Variants in BMPER observed in about 807,000 individuals in gnomAD.
BMPER encodes the protein BMP binding endothelial regulator.
A neutral mutation model predicts 87.3 loss-of-function variants in BMPER; 45 were observed. That is an observed-to-expected ratio of 0.52 (90% confidence interval 0.41 to 0.66). BMPER has a LOEUF of 0.66. BMPER is among the 30% of genes least tolerant of loss of function. BMPER has a pLI of 0.00. For missense variants in BMPER, 784 were observed against 867.5 expected (o/e 0.90, Z 1.21); for synonymous variants, 326 against 316.2 (o/e 1.03, Z -0.33).
intron 6 of BMPER, among the ~76,000 whole-genome samples, chr7:34,015,587 G>C (rs1413749470): frequency 6.6e-6 from 1 of 151,912 alleles, no homozygotes; most frequent in Non-Finnish European, 1.5e-5. Context: ...GAAAAGAGCA[G>C]AAAGCAACAA....
chr7:34,047,462 A>G (rs1788004845), intron 7 of BMPER, among the ~76,000 whole-genome samples: 1 of 151,798 alleles, frequency 6.6e-6, no homozygotes, highest in South Asian at 2.1e-4. Flanking sequence ...TATTTTTAGT[A>G]GAGACAGTGT....
chr7:33,995,592 A>G (rs1321089139), intron 6 of BMPER, among the ~76,000 whole-genome samples: 2 of 152,178 alleles, frequency 1.3e-5, no homozygotes, highest in Non-Finnish European at 2.9e-5. Context: ...GCATAAAACC[A>G]GGCCATGTAA....
chr7:33,911,499 T>C (rs546366416), intron 2 of BMPER, among the ~76,000 whole-genome samples: 79 of 152,352 alleles, frequency 5.2e-4, no homozygotes, highest in African/African-American at 1.8e-3. Context: ...AGGCTCTCTA[T>C]GGAGGCAGTT....
At chr7:34,126,242 T>C (rs916719913) in intron 13 of BMPER, among the ~76,000 whole-genome samples, 1 of 152,292 alleles carries the variant, frequency 6.6e-6, no homozygotes, top group South Asian at 2.1e-4. Context: ...GAGCATGGCA[T>C]TTTTAAGGAA....
At chr7:34,056,841 C>T (rs960149280) in intron 9 of BMPER, among the ~76,000 whole-genome samples, 11 of 152,298 alleles carry the variant, frequency 7.2e-5, no homozygotes, top group African/African-American at 2.6e-4. Flanking sequence ...TGATCTCGAA[C>T]TCCCGACCTT....
chr7:33,963,527 C>T (rs1261005969), intron 3 of BMPER, among the ~76,000 whole-genome samples: 1 of 152,192 alleles, frequency 6.6e-6, no homozygotes, highest in East Asian at 1.9e-4. Context: ...GGCGCGGTGG[C>T]TCATGCCTGT....
chr7:34,047,824 C>CTTCCTTCCTTCCTTCCTTCCTTCCT (rs1312499057), intron 7 of BMPER, among the ~76,000 whole-genome samples: 1 of 64,752 alleles, frequency 1.5e-5, no homozygotes, highest in Non-Finnish European at 3.1e-5. Flanking sequence ...CCTCACTTTC[C>CTTCCTTCCTTCCTTCCTTCCTTCCT]TACTTTCTTG....
At chr7:33,935,594 CAGAGAGAG>C (rs35522311) in intron 2 of BMPER, among the ~76,000 whole-genome samples, 1 of 147,598 alleles carries the variant, frequency 6.8e-6, no homozygotes, top group African/African-American at 2.5e-5. Context: ...GAGAAAGAGA[CAGAGAGAG>C]AGAGAGAGAG....
chr7:34,113,105 C>T (rs1374145297), intron 13 of BMPER, among the ~76,000 whole-genome samples: 1 of 151,806 alleles, frequency 6.6e-6, no homozygotes. Flanking sequence ...CCTGCCAACA[C>T]ATTTTCATTA....
At chr7:34,079,228 CACTT>C (rs745567121) in intron 12 of BMPER, 42 bp downstream of exon 12, 3 of 1,609,490 alleles carry the variant, frequency 1.9e-6, no homozygotes, top group Non-Finnish European at 2.5e-6. Context: ...GCCTCCGCCT[CACTT>C]ACCCGTTCAG....
intron 6 of BMPER, among the ~76,000 whole-genome samples, chr7:34,036,156 G>C (rs1404763592): frequency 6.6e-6 from 1 of 152,136 alleles, no homozygotes; most frequent in African/African-American, 2.4e-5. Context: ...GCCTGGAAGC[G>C]GGCCAGGCTG....
chr7:34,020,977 G>A (rs1372087749), intron 6 of BMPER, among the ~76,000 whole-genome samples: 1 of 151,902 alleles, frequency 6.6e-6, no homozygotes, highest in Admixed American at 6.6e-5. Context: ...AGTTTAAGTG[G>A]CCTTCTCCAT....
chr7:34,008,250 T>C (rs568755673), intron 6 of BMPER, among the ~76,000 whole-genome samples: 17 of 152,168 alleles, frequency 1.1e-4, no homozygotes, highest in African/African-American at 4.1e-4. Flanking sequence ...GTCTTTCATG[T>C]TGATTTCCAA....
intron 13 of BMPER, among the ~76,000 whole-genome samples, chr7:34,125,006 A>AC (rs1389654018): frequency 6.6e-6 from 1 of 152,124 alleles, no homozygotes; most frequent in East Asian, 1.9e-4. Flanking sequence ...TAAAAAAAAA[A>AC]ACCCAGTATT....
chr7:34,032,628 C>T (rs894633572), intron 6 of BMPER, among the ~76,000 whole-genome samples: 9 of 152,046 alleles, frequency 5.9e-5, no homozygotes, highest in East Asian at 3.9e-4. Flanking sequence ...CTTTGGAGTT[C>T]GGAATGTTTG....
chr7:34,147,927 G>C (rs182250006), intron 14 of BMPER, among the ~76,000 whole-genome samples: 60 of 152,324 alleles, frequency 3.9e-4, no homozygotes, highest in Middle Eastern at 3.4e-3. Flanking sequence ...GTCAGTGTTA[G>C]TGTTCTAGGA....
At chr7:34,012,915 A>G (rs573285289) in intron 6 of BMPER, among the ~76,000 whole-genome samples, 85 of 152,074 alleles carry the variant, frequency 5.6e-4, no homozygotes, top group African/African-American at 2.0e-3. Context: ...TCTATGCGAT[A>G]TTAAAAAATA....
intron 6 of BMPER, among the ~76,000 whole-genome samples, chr7:33,995,089 A>C (rs2127930504): frequency 6.6e-6 from 1 of 152,338 alleles, no homozygotes; most frequent in East Asian, 1.9e-4. Context: ...GAATTTTTAT[A>C]AATGCAGTCA....
intron 13 of BMPER, among the ~76,000 whole-genome samples, chr7:34,129,638 A>G (rs6972954): frequency 1.6e-4 from 19 of 120,690 alleles, no homozygotes; most frequent in African/African-American, 6.2e-4. Context: ...GAGAGAAAGA[A>G]AGAAAGAAAG....
Sources: gnomAD v4.1 joint callset for allele counts (sites outside exome capture counted in the v4.1 genomes callset) on GRCh38, gnomAD v4.1.1 for gene constraint, MANE v1.5 for transcripts, NCBI Gene and HGNC (gene_info 2026-07-23, HGNC 2026-07-21) for gene names.